The following FGF2 variants were observed in gnomAD, a reference collection of about 807,000 sequenced individuals.
FGF2 encodes fibroblast growth factor 2, also known as basic fibroblast growth factor bFGF.
In FGF2, 13 loss-of-function variants were observed where a neutral mutation model predicts 15.9. That is an observed-to-expected ratio of 0.82 (90% CI 0.53 to 1.30). FGF2 has a LOEUF of 1.30. FGF2 is among the 50% of genes most tolerant of loss of function. The pLI is 0.00. For synonymous variants in FGF2, 90 were observed against 78.4 expected (o/e 1.15, Z -0.78); for missense variants, 163 against 196.9 (o/e 0.83, Z 1.03).
At chr4:122,861,039 C>T (rs745426813) in intron 1 of FGF2, among the ~76,000 whole-genome samples, 35 of 152,174 alleles carry the variant, frequency 2.3e-4, no homozygotes, top group Admixed American at 1.7e-3. Flanking sequence ...CCTGCACTAG[C>T]TCGTACTGAC....
chr4:122,888,033 C>T (rs914833281), intron 2 of FGF2, among the ~76,000 whole-genome samples: 3 of 152,122 alleles, frequency 2.0e-5, no homozygotes, highest in African/African-American at 7.2e-5. Flanking sequence ...ATACTGTCTC[C>T]ATTTGGATGT....
intron 1 of FGF2, 146 bp from the exon 2 acceptor site, chr4:122,876,175 T>C (rs1726841496): frequency 2.9e-6 from 2 of 695,044 alleles, no homozygotes; most frequent in Non-Finnish European, 5.3e-6. Flanking sequence ...CTGCTCCCTG[T>C]CACTCACCCA....
At chr4:122,840,620 C>A (rs991178013) in intron 1 of FGF2, 9 of 182,302 alleles carry the variant, frequency 4.9e-5, no homozygotes, top group Admixed American at 2.6e-4. Flanking sequence ...GAAGCCCACA[C>A]GAACCAAATA....
intron 2 of FGF2, among the ~76,000 whole-genome samples, chr4:122,886,679 C>A (rs1299830155): frequency 1.3e-5 from 2 of 152,110 alleles, no homozygotes; most frequent in South Asian, 2.1e-4. Flanking sequence ...CCATTGGGAG[C>A]TCTTTCAGTT....
Position 122,894,768 on chromosome 4 carries a change from ATGTT to A in FGF2, c.*2377_*2380del, listed in dbSNP as rs1227498620. The A allele has an allele frequency of 6.6e-6, 1 of 152,178 alleles. No individual in the cohort carries two copies. Among genetic ancestry groups the A allele is most frequent in the Non-Finnish European group, 1.5e-5 (1 of 68,024 alleles). The allele number at this position is 152,178 out of a possible 1,614,324, so 9.4% of individuals were successfully genotyped here. A position where few individuals can be genotyped will look rare whatever the true frequency, so the allele number is the denominator to read the frequency against. ...TTGAAAAATAATTATGGGGAAATAC[ATGTT>A]TGTTATTAAATTTATTATTAAAGAT... On this transcript the variant is annotated 3_prime_UTR_variant, in exon 3 of 3. Coordinates refer to ENST00000644866, the MANE Select transcript of FGF2 (RefSeq NM_001361665.2).
intron 1 of FGF2, among the ~76,000 whole-genome samples, chr4:122,865,277 T>TG (rs570673607): frequency 5.3e-5 from 8 of 151,750 alleles, no homozygotes; most frequent in African/African-American, 1.9e-4. Context: ...CTCTGTTTTT[T>TG]TTTGTTTGTT....
At chr4:122,847,754 C>T (rs1726146281) in intron 1 of FGF2, among the ~76,000 whole-genome samples, 1 of 152,182 alleles carries the variant, frequency 6.6e-6, no homozygotes, top group African/African-American at 2.4e-5. Context: ...AGTCTGGAGA[C>T]CCAGGGCAAA....
At chr4:122,839,365 G>A (rs1725929379) in intron 1 of FGF2, among the ~76,000 whole-genome samples, 1 of 151,228 alleles carries the variant, frequency 6.6e-6, no homozygotes, top group Non-Finnish European at 1.5e-5. Flanking sequence ...TGTGGTGTAA[G>A]ATTTTAAAAC....
intron 2 of FGF2, among the ~76,000 whole-genome samples, chr4:122,891,257 G>T (rs1003183299): frequency 9.9e-5 from 15 of 151,494 alleles, no homozygotes; most frequent in Admixed American, 9.2e-4. Context: ...AGCCAAGATG[G>T]TCTCGATCTC....
At chr4:122,840,392 AC>A (rs1725954595) in intron 1 of FGF2, 1 of 152,400 alleles carries the variant, frequency 6.6e-6, no homozygotes, top group African/African-American at 2.4e-5. Context: ...GGCCATAGCC[AC>A]GTACAGCCTA....
intron 1 of FGF2, among the ~76,000 whole-genome samples, chr4:122,874,872 A>G (rs1026242910): frequency 6.6e-6 from 1 of 152,128 alleles, no homozygotes; most frequent in Non-Finnish European, 1.5e-5. Flanking sequence ...TTCTAATGTT[A>G]TTCAAATGAT....
At position 122,897,745 on chromosome 4, in the gene FGF2, C is replaced by T. The variant is rs532370438; in HGVS notation, c.*5349C>T. 84 of 1,064,326 alleles carry T rather than the reference C, an allele frequency of 7.9e-5. No homozygotes were observed. In the African/African-American group the frequency reaches 1.2e-3, roughly 15 times the overall value. 65.9% of individuals were successfully genotyped at this position (1,064,326 alleles called of 1,614,324 possible). A position where few individuals can be genotyped will look rare whatever the true frequency, so the allele number is the denominator to read the frequency against. On this transcript the variant is annotated 3_prime_UTR_variant, in exon 3 of 3. Coordinates refer to ENST00000644866, the MANE Select transcript of FGF2 (RefSeq NM_001361665.2). Reference sequence around the variant, plus strand: ...CTAACACACACATATGTAGATTTCACAAAATCCACCTATAATTGGTCAAAG... The same window carrying T: ...CTAACACACACATATGTAGATTTCATAAAATCCACCTATAATTGGTCAAAG...
At chr4:122,873,965 G>A (rs1348693178) in intron 1 of FGF2, among the ~76,000 whole-genome samples, 12 of 152,298 alleles carry the variant, frequency 7.9e-5, no homozygotes, top group South Asian at 2.1e-4. Flanking sequence ...TTTACTTTGG[G>A]TATTGAGTCA....
rs752574363 is a variant in FGF2 at position 122,892,784 on chromosome 4, T to C, written c.*388T>C. 3.4e-5 allele frequency: 50 copies of C among 1,459,486 alleles called. No individual in the cohort carries two copies. The highest frequency in any genetic ancestry group is 5.6e-5 in the African/African-American group (4 of 70,890). The allele number at this position is 1,459,486 out of a possible 1,614,324, so 90.4% of individuals were successfully genotyped here. A position where few individuals can be genotyped will look rare whatever the true frequency, so the allele number is the denominator to read the frequency against. On this transcript the variant is annotated 3_prime_UTR_variant, in exon 3 of 3. Transcript: ENST00000644866. ...AATCCAAAATGTCCACTATTTCTTATGTCATTCGTTAGTCTACATGTTTCT... is the reference window on the plus strand; with the variant it reads ...AATCCAAAATGTCCACTATTTCTTACGTCATTCGTTAGTCTACATGTTTCT...
Position 122,893,542 on chromosome 4 carries a change from ATTGAAAAG to A in FGF2, c.*1149_*1156del. 4.6e-6 allele frequency: 1 copy of A among 216,950 alleles called. No homozygotes were observed. Among genetic ancestry groups the A allele is most frequent in the Non-Finnish European group, 9.0e-6 (1 of 111,514 alleles). The allele number at this position is 216,950 out of a possible 1,614,324, so 13.4% of individuals were successfully genotyped here. ...TTTTTCCCAAAAGGTAAAAATATAG[ATTGAAAAG>A]TTAAAACATTTTGCATGGCTGCAGT... On this transcript the variant is annotated 3_prime_UTR_variant, in exon 3 of 3. Coordinates refer to ENST00000644866, the MANE Select transcript of FGF2 (RefSeq NM_001361665.2).
intron 2 of FGF2, among the ~76,000 whole-genome samples, chr4:122,888,203 T>C (rs1727096893): frequency 6.6e-6 from 1 of 152,210 alleles, no homozygotes; most frequent in Non-Finnish European, 1.5e-5. Context: ...GTTTTTCTCA[T>C]ACCATGCAAC....
At position 122,895,727 on chromosome 4, in the gene FGF2, A is replaced by G. The variant is rs1044876755; in HGVS notation, c.*3331A>G. 1 of 152,068 alleles carries G rather than the reference A, an allele frequency of 6.6e-6. No homozygotes were observed. The highest frequency in any genetic ancestry group is 2.4e-5 in the African/African-American group (1 of 41,314). 9.4% of individuals were successfully genotyped at this position (152,068 alleles called of 1,614,324 possible). ...ACCCTCTTGATATTTAAAAAACACTATGGATAACAATTCTTCATTTACCTA... is the reference window on the plus strand; with the variant it reads ...ACCCTCTTGATATTTAAAAAACACTGTGGATAACAATTCTTCATTTACCTA... On this transcript the variant is annotated 3_prime_UTR_variant, in exon 3 of 3. Coordinates refer to ENST00000644866, the MANE Select transcript of FGF2 (RefSeq NM_001361665.2).
At chr4:122,859,651 T>TAC (rs1210519332) in intron 1 of FGF2, among the ~76,000 whole-genome samples, 14 of 31,308 alleles carry the variant, frequency 4.5e-4, no homozygotes, top group Admixed American at 1.8e-3. Flanking sequence ...TACATATGTA[T>TAC]ATACACACAC....
chr4:122,835,659 C>A (rs1055098639), intron 1 of FGF2, among the ~76,000 whole-genome samples: 1 of 152,104 alleles, frequency 6.6e-6, no homozygotes, highest in Non-Finnish European at 1.5e-5. Context: ...TCGTATATAT[C>A]TCTCTAAAAT....
Sources: allele counts gnomAD v4.1 joint callset (sites outside exome capture counted in the v4.1 genomes callset), GRCh38; gene constraint gnomAD v4.1.1; transcripts MANE v1.5; gene names NCBI Gene and HGNC (gene_info 2026-07-23, HGNC 2026-07-21).